Variants in NLGN1 observed in about 807,000 individuals in gnomAD.
The protein encoded by NLGN1 is neuroligin 1.
NLGN1 carries 12 observed loss-of-function variants against 65.5 expected under a neutral mutation model. The ratio of observed to expected loss-of-function variants is 0.18; its 90% CI spans 0.12 to 0.30. The LOEUF (loss-of-function observed/expected upper bound fraction) is 0.30. Among genes scored for constraint, NLGN1 ranks in the 10% least tolerant of loss-of-function variants. The pLI, the probability that NLGN1 is intolerant of heterozygous loss-of-function variation, is 1.00. For missense variants in NLGN1, 750 were observed against 1,007.1 expected (o/e 0.74, Z 3.46); for synonymous variants, 350 against 359.5 (o/e 0.97, Z 0.30).
intron 4 of NLGN1, among the ~76,000 whole-genome samples, chr3:173,848,639 C>T (rs1230644830): frequency 1.3e-5 from 2 of 152,062 alleles, no homozygotes. Flanking sequence ...AGAGAGGGAA[C>T]ATTTGAAGTA....
At chr3:174,101,283 T>C (rs1284883938) in intron 4 of NLGN1, among the ~76,000 whole-genome samples, 3 of 152,114 alleles carry the variant, frequency 2.0e-5, no homozygotes. Flanking sequence ...ATCAGGCAAA[T>C]CAAACTATAA....
At chr3:174,293,021 A>T in the NLGN1 span, among the ~76,000 whole-genome samples, 1 of 151,584 alleles carries the variant, frequency 6.6e-6, no homozygotes, top group East Asian at 1.9e-4. Flanking sequence ...TATCCTCAAT[A>T]AATAAATTGC....
intron 4 of NLGN1, among the ~76,000 whole-genome samples, chr3:174,051,649 TAG>T (rs1734916078): frequency 6.6e-6 from 1 of 151,954 alleles, no homozygotes; most frequent in South Asian, 2.1e-4. Context: ...AAACTGAAAT[TAG>T]AGAGTAATTA....
At chr3:173,423,183 G>A (rs1247193460) in intron 1 of NLGN1, among the ~76,000 whole-genome samples, 1 of 152,124 alleles carries the variant, frequency 6.6e-6, no homozygotes, top group Non-Finnish European at 1.5e-5. Context: ...GTGGGAAACT[G>A]CCCCTGTGAT....
chr3:173,539,630 A>ATG (rs753056265), intron 2 of NLGN1, among the ~76,000 whole-genome samples: 47,399 of 132,484 alleles, frequency 0.36, 9,980 homozygotes, highest in East Asian at 0.81. Context: ...ATATTTATAT[A>ATG]TACACATATA....
intron 4 of NLGN1, among the ~76,000 whole-genome samples, chr3:174,259,685 C>CT (rs5854562): frequency 0.53 from 77,025 of 144,626 alleles, 20,723 homozygotes; most frequent in African/African-American, 0.69. Flanking sequence ...AGTAGAATTC[C>CT]TTTTTTTTTT....
chr3:174,185,452 G>T (rs1450059418), intron 4 of NLGN1, among the ~76,000 whole-genome samples: 1 of 152,022 alleles, frequency 6.6e-6, no homozygotes, highest in Non-Finnish European at 1.5e-5. Flanking sequence ...ATTTATTTTA[G>T]ATTTAAATTA....
At chr3:173,913,412 A>C (rs1178674942) in intron 4 of NLGN1, among the ~76,000 whole-genome samples, 4 of 152,186 alleles carry the variant, frequency 2.6e-5, no homozygotes, top group Non-Finnish European at 5.9e-5. Context: ...TATAACCTGG[A>C]ACTAATGGCC....
chr3:173,472,841 C>T (rs1426470939), intron 2 of NLGN1, among the ~76,000 whole-genome samples: 1 of 152,096 alleles, frequency 6.6e-6, no homozygotes, highest in Non-Finnish European at 1.5e-5. Context: ...GGCATTTTGA[C>T]TCAACCCTGA....
rs200302937 is a variant in NLGN1, at chr3:173,759,583, T to C, written c.494-48097T>C. Among the ~76,000 whole-genome samples, 6 of 152,070 alleles carry C rather than the reference T, an allele frequency of 3.9e-5. No individual in the cohort carries two copies. In the East Asian group the frequency reaches 1.2e-3, roughly 29 times the overall value. On this transcript the variant is annotated intron_variant, in intron 3 of 6. Transcript: ENST00000457714. The stretch of plus-strand genomic sequence containing the variant: ...TCTATTACATGGAGAATATTAGGCA[T>C]TGCAATGCTATTGGCCACGTAGCCA...
intron 4 of NLGN1, among the ~76,000 whole-genome samples, chr3:173,858,217 A>G (rs979539713): frequency 6.6e-6 from 1 of 152,038 alleles, no homozygotes; most frequent in Non-Finnish European, 1.5e-5. Flanking sequence ...TTCCATTTTG[A>G]ATTCTCAGAG....
chr3:173,433,887 G>A (rs1717632824), intron 1 of NLGN1, among the ~76,000 whole-genome samples: 1 of 152,156 alleles, frequency 6.6e-6, no homozygotes, highest in East Asian at 1.9e-4. Context: ...TTAAATAAAA[G>A]TGTCCCTAAA....
chr3:173,806,454 A>T (rs888896674), intron 3 of NLGN1, among the ~76,000 whole-genome samples: 3 of 152,170 alleles, frequency 2.0e-5, no homozygotes, highest in Non-Finnish European at 4.4e-5. Flanking sequence ...AAAGGAACAA[A>T]AACATACTAT....
chr3:173,472,931 T>G (rs938149952), intron 2 of NLGN1, among the ~76,000 whole-genome samples: 1 of 152,172 alleles, frequency 6.6e-6, no homozygotes, highest in African/African-American at 2.4e-5. Context: ...TCTTGCATCA[T>G]GAATAATTAA....
At chr3:173,519,875 A>C (rs1184453236) in intron 2 of NLGN1, among the ~76,000 whole-genome samples, 1 of 152,138 alleles carries the variant, frequency 6.6e-6, no homozygotes. Flanking sequence ...TGGAGGGGCC[A>C]AGGGTGGGAT....
At chr3:174,108,694 G>T (rs1246588723) in intron 4 of NLGN1, among the ~76,000 whole-genome samples, 1 of 152,036 alleles carries the variant, frequency 6.6e-6, no homozygotes, top group Non-Finnish European at 1.5e-5. Context: ...GGGAGTTCTG[G>T]CTAAACCAAC....
In NLGN1 at chr3:174,147,722, G is replaced by A. The variant is rs566906885; in HGVS notation, c.647-127593G>A. On this transcript the variant is annotated intron_variant, in intron 4 of 6. Coordinates refer to ENST00000457714, the Ensembl canonical transcript of NLGN1. ...TTGCTCACTGGATCTGGCCGAAAAC[G>A]TGCTAGTTTAAAACCTGTGATATAA... Among the ~76,000 whole-genome samples, 51 of 152,104 alleles carry A rather than the reference G, an allele frequency of 3.4e-4. No homozygotes were observed. In the South Asian group the frequency reaches 1.0e-2, roughly 30 times the overall value.
At chr3:173,989,645 G>C (rs758687950) in intron 4 of NLGN1, among the ~76,000 whole-genome samples, 6 of 152,172 alleles carry the variant, frequency 3.9e-5, no homozygotes, top group African/African-American at 1.4e-4. Flanking sequence ...CTTATTCACA[G>C]TGGCTTAAAC....
At chr3:173,967,347 A>C (rs1381339043) in intron 4 of NLGN1, among the ~76,000 whole-genome samples, 1 of 151,952 alleles carries the variant, frequency 6.6e-6, no homozygotes, top group Non-Finnish European at 1.5e-5. Context: ...AAACTCTAGG[A>C]CTCTTGCTTG....
Sources: gnomAD v4.1 joint callset for allele counts (sites outside exome capture counted in the v4.1 genomes callset) on GRCh38, gnomAD v4.1.1 for gene constraint, MANE v1.5 for transcripts, NCBI Gene and HGNC (gene_info 2026-07-23, HGNC 2026-07-21) for gene names.